The following CDC25C variants were observed in gnomAD, a reference collection of about 807,000 sequenced individuals.
CDC25C encodes cell division cycle 25C.
Under a neutral mutation model 52.5 loss-of-function variants are expected in CDC25C, and 48 were observed. The ratio of observed to expected loss-of-function variants is 0.91; its 90% CI spans 0.72 to 1.16. The LOEUF (loss-of-function observed/expected upper bound fraction) is 1.16. Among genes scored for constraint, CDC25C ranks in the 50% most tolerant of loss-of-function variants. The pLI, the probability that CDC25C is intolerant of heterozygous loss-of-function variation, is 0.00. For missense variants in CDC25C, 510 were observed against 566.1 expected (o/e 0.90, Z 1.01); for synonymous variants, 187 against 206.5 (o/e 0.91, Z 0.81).
chr5:138,319,194 A>C, intron 7 of CDC25C, 25 bp downstream of exon 7: 1 of 1,587,422 alleles, frequency 6.3e-7, no homozygotes, highest in South Asian at 1.1e-5. Context: ...GAAGAATACA[A>C]AGATACTACC....
chr5:138,322,466 ATTTTTTTTTTTT>A (rs71585117), intron 6 of CDC25C, among the ~76,000 whole-genome samples: 2 of 67,954 alleles, frequency 2.9e-5, no homozygotes, highest in East Asian at 3.8e-4. Context: ...CGCCCGGCTA[ATTTTTTTTTTTT>A]TTTTTTTTTT....
chr5:138,302,146 CA>C, intron 7 of CDC25C, among the ~76,000 whole-genome samples: 1 of 151,730 alleles, frequency 6.6e-6, no homozygotes, highest in African/African-American at 2.4e-5. Context: ...AGGTGTGTGC[CA>C]CCATGCCCGG....
chr5:138,314,716 C>T (rs1476775478), intron 7 of CDC25C, among the ~76,000 whole-genome samples: 1 of 146,368 alleles, frequency 6.8e-6, no homozygotes, highest in Non-Finnish European at 1.5e-5. Context: ...TCAAGCGATT[C>T]TCCTGCCTCA....
chr5:138,299,935 C>A (rs1757511128), intron 7 of CDC25C, among the ~76,000 whole-genome samples: 1 of 152,060 alleles, frequency 6.6e-6, no homozygotes, highest in Non-Finnish European at 1.5e-5. Context: ...ACATTACTAC[C>A]AACCTTACAG....
exon 1 of CDC25C, chr5:138,338,004 T>G: frequency 2.3e-6 from 3 of 1,289,600 alleles, no homozygotes; most frequent in Non-Finnish European, 3.0e-6. Context: ...TGCCTCCAAC[T>G]GGGGCCGTCC....
intron 8 of CDC25C, 60 bp downstream of exon 8, chr5:138,291,910 C>A (rs1047587657): frequency 2.8e-6 from 4 of 1,433,146 alleles, no homozygotes; most frequent in African/African-American, 1.4e-5. Context: ...ATCCTCATAC[C>A]AGAAAAGCAA....
intron 7 of CDC25C, among the ~76,000 whole-genome samples, chr5:138,300,337 G>C (rs1433668621): frequency 1.3e-5 from 2 of 152,136 alleles, no homozygotes; most frequent in Non-Finnish European, 2.9e-5. Flanking sequence ...GCTAAGACGG[G>C]TGGGTTGCTT....
At chr5:138,327,467 G>C (rs1345880435) in intron 4 of CDC25C, among the ~76,000 whole-genome samples, 1 of 151,500 alleles carries the variant, frequency 6.6e-6, no homozygotes, top group East Asian at 2.0e-4. Flanking sequence ...CTCCATTTTT[G>C]TATTACTAAA....
chr5:138,323,209 G>T (rs1413841099), intron 6 of CDC25C, among the ~76,000 whole-genome samples: 1 of 152,128 alleles, frequency 6.6e-6, no homozygotes, highest in Non-Finnish European at 1.5e-5. Context: ...GGGATTACAG[G>T]CATGAGCCAC....
chr5:138,288,504 C>T (rs1487984454), intron 10 of CDC25C, among the ~76,000 whole-genome samples: 1 of 152,108 alleles, frequency 6.6e-6, no homozygotes, highest in Admixed American at 6.5e-5. Flanking sequence ...TGAAACCAGC[C>T]TGACCAACAT....
intron 7 of CDC25C, among the ~76,000 whole-genome samples, chr5:138,316,007 C>A (rs1239392846): frequency 2.0e-5 from 3 of 152,234 alleles, no homozygotes; most frequent in African/African-American, 7.2e-5. Flanking sequence ...TTCCACGGAG[C>A]AGGCAGAAGC....
chr5:138,304,716 T>C (rs986640464), intron 7 of CDC25C, among the ~76,000 whole-genome samples: 1 of 152,030 alleles, frequency 6.6e-6, no homozygotes. Flanking sequence ...CTATGTTGCC[T>C]AGACTGGTCT....
intron 8 of CDC25C, 72 bp downstream of exon 8, chr5:138,291,898 C>T: frequency 7.7e-7 from 1 of 1,297,814 alleles, no homozygotes; most frequent in Non-Finnish European, 1.1e-6. Flanking sequence ...CATAATAAAA[C>T]AATCCTCATA....
chr5:138,303,677 T>G (rs2126720163), intron 7 of CDC25C, among the ~76,000 whole-genome samples: 1 of 152,302 alleles, frequency 6.6e-6, no homozygotes, highest in East Asian at 1.9e-4. Context: ...CTCTGACCTA[T>G]GCAACCTATC....
At chr5:138,331,818 G>C, upstream of CDC25C, 1 of 986,062 alleles carries the variant, frequency 1.0e-6, no homozygotes, top group Non-Finnish European at 1.2e-6. Context: ...AACAGCCGCA[G>C]GCGTTGACCA....
intron 7 of CDC25C, among the ~76,000 whole-genome samples, chr5:138,301,928 T>C (rs900774703): frequency 3.3e-5 from 5 of 151,978 alleles, no homozygotes; most frequent in African/African-American, 9.7e-5. Flanking sequence ...GGCCTCGAGC[T>C]CCTGACCTCA....
upstream of CDC25C, chr5:138,332,023 G>A: frequency 5.7e-6 from 3 of 526,130 alleles, no homozygotes; most frequent in Non-Finnish European, 7.3e-6. Context: ...GCCCACCAGC[G>A]TTAGGCAGGC....
rs113082716 is a variant in CDC25C, at chr5:138,299,148, G to A, written c.616-7032C>T. ...GCACAGGTTGCAGTGAGCCAAGATC[G>A]CACCACTGCACTCCAGCCTAGGTTA... is the stretch of plus-strand genomic sequence containing the variant. On this transcript the variant is annotated intron_variant, in intron 7 of 13. Transcript: ENST00000323760. Among the ~76,000 whole-genome samples the A allele has an allele frequency of 1.4e-3, 176 of 126,250 alleles. 3 individuals are homozygous for A. Among genetic ancestry groups the A allele is most frequent in the African/African-American group, 4.6e-3 (155 of 33,454 alleles). 82.8% of individuals were successfully genotyped at this position (126,250 alleles called of 152,430 possible). A position where few individuals can be genotyped will look rare whatever the true frequency, so the allele number is the denominator to read the frequency against.
intron 12 of CDC25C, 54 bp downstream of exon 12, chr5:138,286,443 A>G: frequency 6.4e-7 from 1 of 1,559,966 alleles, no homozygotes; most frequent in South Asian, 1.2e-5. Flanking sequence ...TGGTGTGGGA[A>G]GTCCAACTCA....
Sources: allele counts gnomAD v4.1 joint callset (sites outside exome capture counted in the v4.1 genomes callset), GRCh38; gene constraint gnomAD v4.1.1; transcripts MANE v1.5; gene names NCBI Gene and HGNC (gene_info 2026-07-23, HGNC 2026-07-21).